The following ERC1 variants were observed in gnomAD, a reference collection of about 807,000 sequenced individuals.
ERC1 encodes the protein ELKS/RAB6-interacting/CAST family member 1.
ERC1 carries 56 observed loss-of-function variants against 132.0 expected under a neutral mutation model. The ratio of observed to expected loss-of-function variants is 0.42; its 90% confidence interval spans 0.34 to 0.53. The LOEUF (loss-of-function observed/expected upper bound fraction) is 0.53, where lower values mean the gene tolerates loss of function less well. Ranked by LOEUF, ERC1 falls within the 20% of genes least tolerant of loss-of-function variation. ERC1 has a pLI of 0.03. For missense variants in ERC1, 1,202 were observed against 1,349.9 expected, an observed-to-expected ratio of 0.89 and a Z score of 1.72; for synonymous variants, 478 against 476.1, an observed-to-expected ratio of 1.00 and a Z score of -0.05.
intron 17 of ERC1, among the ~76,000 whole-genome samples, chr12:1,431,291 A>G (rs2092790313): frequency 6.6e-6 from 1 of 152,214 alleles, no homozygotes; most frequent in South Asian, 2.1e-4. Flanking sequence ...TTCTGTACTC[A>G]AAATGAGTAC....
intron 18 of ERC1, among the ~76,000 whole-genome samples, chr12:1,455,307 T>G (rs2093507410): frequency 6.6e-6 from 1 of 152,168 alleles, no homozygotes; most frequent in South Asian, 2.1e-4. Context: ...TGTGGAACAC[T>G]AGGTCTTACT....
Position 1,444,599 on chromosome 12 carries a change from G to A in ERC1, c.3062G>A (p.Ser1021Asn). The A allele has an allele frequency of 6.2e-7, 1 of 1,613,664 alleles. No homozygotes were observed. Residue 1021 changes from serine to asparagine, a missense_variant, in exon 18 of 19, where the codon AGT becomes AAT. Coordinates refer to ENST00000360905, the MANE Select transcript of ERC1 (RefSeq NM_178040.4). ...QPLLELDQNRSKLKLYIGHLT... is the reference protein window; with the variant it reads ...QPLLELDQNRNKLKLYIGHLT... ...CTCTTAGAACTTGACCAAAATAGAA[G>A]TAAATTAAAGTTGTACATTGGACAC...
At chr12:1,069,706 T>C (rs1261005630) in intron 2 of ERC1, among the ~76,000 whole-genome samples, 1 of 152,198 alleles carries the variant, frequency 6.6e-6, no homozygotes, top group Non-Finnish European at 1.5e-5. Context: ...AACACTCCCA[T>C]TGGGATTTGG....
intron 1 of ERC1, among the ~76,000 whole-genome samples, chr12:1,012,769 C>G (rs772340932): frequency 1.3e-5 from 2 of 152,042 alleles, no homozygotes; most frequent in Admixed American, 1.3e-4. Flanking sequence ...TTAATCTTAA[C>G]CATTAATTCA....
At chr12:1,192,452 A>G (rs952317134) in intron 12 of ERC1, among the ~76,000 whole-genome samples, 4 of 152,092 alleles carry the variant, frequency 2.6e-5, no homozygotes, top group African/African-American at 7.2e-5. Context: ...TTGCCATTCC[A>G]CTATTTCCTA....
At chr12:1,067,803 T>C (rs1426788000) in intron 2 of ERC1, among the ~76,000 whole-genome samples, 2 of 152,172 alleles carry the variant, frequency 1.3e-5, no homozygotes, top group Non-Finnish European at 2.9e-5. Flanking sequence ...GTTATAATGA[T>C]AGTTCTCTAT....
At chr12:1,308,461 C>T (rs1221520726) in intron 15 of ERC1, among the ~76,000 whole-genome samples, 1 of 152,110 alleles carries the variant, frequency 6.6e-6, no homozygotes, top group Non-Finnish European at 1.5e-5. Flanking sequence ...TAGACATTAT[C>T]TTACAGCTTT....
At chr12:1,139,516 GA>G (rs1053919638) in intron 7 of ERC1, among the ~76,000 whole-genome samples, 5 of 152,060 alleles carry the variant, frequency 3.3e-5, no homozygotes, top group African/African-American at 1.2e-4. Context: ...GTATATAGAG[GA>G]AAAGCATAGT....
chr12:1,300,409 A>G (rs769187791), intron 15 of ERC1, among the ~76,000 whole-genome samples: 1 of 152,184 alleles, frequency 6.6e-6, no homozygotes, highest in Non-Finnish European at 1.5e-5. Context: ...CAAGGATTTC[A>G]TGACAAAGAC....
chr12:1,190,086 T>A, intron 12 of ERC1, 34 bp downstream of exon 12: 1 of 1,555,780 alleles, frequency 6.4e-7, no homozygotes, highest in Non-Finnish European at 8.9e-7. Flanking sequence ...GCTTATGAGG[T>A]TAAAGTATGG....
intron 18 of ERC1, among the ~76,000 whole-genome samples, chr12:1,486,515 C>G (rs762586005): frequency 1.3e-5 from 2 of 152,144 alleles, no homozygotes; most frequent in Non-Finnish European, 2.9e-5. Context: ...ACCTCCGCCT[C>G]CCAGTTTCAT....
chr12:1,077,026 A>G (rs1941461918), intron 2 of ERC1, among the ~76,000 whole-genome samples: 1 of 152,186 alleles, frequency 6.6e-6, no homozygotes. Flanking sequence ...AATTCTTTAA[A>G]ACTCTTTTGC....
At chr12:1,198,870 A>G (rs1306985936) in intron 12 of ERC1, among the ~76,000 whole-genome samples, 1 of 152,184 alleles carries the variant, frequency 6.6e-6, no homozygotes. Flanking sequence ...GGATGGTGCT[A>G]AACCATGACA....
intron 12 of ERC1, among the ~76,000 whole-genome samples, chr12:1,227,054 C>T (rs1299548452): frequency 6.6e-6 from 1 of 152,196 alleles, no homozygotes; most frequent in African/African-American, 2.4e-5. Context: ...ATCTGATGCA[C>T]ACTTATGTTG....
At chr12:1,480,911 A>T (rs568745420) in intron 18 of ERC1, 1 of 702,568 alleles carries the variant, frequency 1.4e-6, no homozygotes, top group Admixed American at 2.0e-5. Flanking sequence ...AAGGAAATGC[A>T]GACGCCCCCA....
At chr12:1,311,153 C>T (rs994911721) in intron 15 of ERC1, among the ~76,000 whole-genome samples, 1 of 152,212 alleles carries the variant, frequency 6.6e-6, no homozygotes, top group South Asian at 2.1e-4. Flanking sequence ...AGTTAGGTAT[C>T]CTTTCTGGCA....
chr12:1,165,825 T>TAA (rs1410346032), intron 8 of ERC1, among the ~76,000 whole-genome samples: 1 of 152,206 alleles, frequency 6.6e-6, no homozygotes, highest in African/African-American at 2.4e-5. Context: ...TCACAGATCA[T>TAA]AAAATTTACC....
chr12:1,039,984 A>T (rs1442965834), intron 2 of ERC1, among the ~76,000 whole-genome samples: 1 of 152,208 alleles, frequency 6.6e-6, no homozygotes, highest in Non-Finnish European at 1.5e-5. Flanking sequence ...ACCTTGAGTG[A>T]TTCTCTCAAT....
In ERC1 at chr12:1,191,909, T is replaced by C. The variant is rs575934593; in HGVS notation, c.2351+1857T>C. Among the ~76,000 whole-genome samples the C allele has an allele frequency of 3.7e-4, 57 of 152,096 alleles. No individual in the cohort carries two copies. The South Asian group carries it at 4.2e-3, about 11-fold the overall frequency. ...CAGCTTTTGCTACCAGGTTTGTAGT[T>C]TGCTACTTGGTAACATAGTTTAAGA... is the stretch of plus-strand genomic sequence containing the variant. On this transcript the variant is annotated intron_variant, in intron 12 of 18. Coordinates refer to ENST00000360905, the MANE Select transcript of ERC1 (RefSeq NM_178040.4).
Sources: gnomAD v4.1 joint callset for allele counts (sites outside exome capture counted in the v4.1 genomes callset) on GRCh38, gnomAD v4.1.1 for gene constraint, MANE v1.5 for transcripts, NCBI Gene and HGNC (gene_info 2026-07-23, HGNC 2026-07-21) for gene names.